The following LRRTM4 variants were observed in gnomAD, a reference collection of about 807,000 sequenced individuals.
LRRTM4 encodes the protein leucine-rich repeat transmembrane neuronal protein 4.
Under a neutral mutation model 47.6 loss-of-function variants are expected in LRRTM4, and 25 were observed. That is an observed-to-expected ratio of 0.53 (90% CI 0.38 to 0.73). LRRTM4 has a LOEUF of 0.73. LRRTM4 is among the 30% of genes least tolerant of loss of function. The probability of loss-of-function intolerance (pLI) is 0.00; values close to 1 mark genes in which losing one functional copy is unlikely to be tolerated. For synonymous variants in LRRTM4, 311 were observed against 269.5 expected, an observed-to-expected ratio of 1.15 and a Z score of -1.51; for missense variants, 638 against 713.4, an observed-to-expected ratio of 0.89 and a Z score of 1.20.
chr2:77,255,348 C>A (rs1675735915), intron 3 of LRRTM4, among the ~76,000 whole-genome samples: 1 of 151,924 alleles, frequency 6.6e-6, no homozygotes, highest in South Asian at 2.1e-4. Flanking sequence ...ATCTCTCAAG[C>A]AGTGATAAAC....
chr2:77,399,167 C>CTTTT (rs568671038), intron 3 of LRRTM4, among the ~76,000 whole-genome samples: 3 of 136,692 alleles, frequency 2.2e-5, no homozygotes, highest in African/African-American at 8.0e-5. Flanking sequence ...AACAGCAGGG[C>CTTTT]TTTTTTTTTT....
intron 3 of LRRTM4, among the ~76,000 whole-genome samples, chr2:76,980,142 C>T (rs1433234114): frequency 1.3e-5 from 2 of 151,966 alleles, no homozygotes. Flanking sequence ...TTCTTCTGTG[C>T]AGATGGAGGA....
chr2:76,933,153 T>A (rs918494581), intron 3 of LRRTM4, among the ~76,000 whole-genome samples: 1 of 152,116 alleles, frequency 6.6e-6, no homozygotes, highest in African/African-American at 2.4e-5. Context: ...TAGCACATTT[T>A]AAAAAATATG....
At chr2:77,420,642 T>A (rs534342458) in intron 3 of LRRTM4, among the ~76,000 whole-genome samples, 1 of 150,134 alleles carries the variant, frequency 6.7e-6, no homozygotes, top group Admixed American at 6.6e-5. Context: ...ATATATATAT[T>A]TCTGCCCAGG....
intron 3 of LRRTM4, among the ~76,000 whole-genome samples, chr2:77,163,317 T>C: frequency 6.6e-6 from 1 of 152,062 alleles, no homozygotes; most frequent in East Asian, 1.9e-4. Flanking sequence ...CCAAGAAATA[T>C]GGGACTATGT....
At chr2:76,998,783 T>TTC (rs1475364250) in intron 3 of LRRTM4, among the ~76,000 whole-genome samples, 16 of 151,562 alleles carry the variant, frequency 1.1e-4, no homozygotes, top group African/African-American at 3.4e-4. Flanking sequence ...TTTTTTTTTT[T>TTC]CCTTAACATC....
At chr2:77,397,761 A>T (rs1365512739) in intron 3 of LRRTM4, among the ~76,000 whole-genome samples, 2 of 151,892 alleles carry the variant, frequency 1.3e-5, no homozygotes, top group African/African-American at 4.8e-5. Flanking sequence ...TCCTCTTATC[A>T]GTAAATTTAA....
At chr2:76,798,087 G>T (rs1675449009) in intron 3 of LRRTM4, among the ~76,000 whole-genome samples, 1 of 151,304 alleles carries the variant, frequency 6.6e-6, no homozygotes, top group South Asian at 2.1e-4. Context: ...ACTCAGCTCT[G>T]CAGCAAGCAG....
intron 3 of LRRTM4, among the ~76,000 whole-genome samples, chr2:77,049,914 G>A (rs548907097): frequency 2.2e-4 from 34 of 151,890 alleles, no homozygotes; most frequent in African/African-American, 7.5e-4. Context: ...ATTTTGCTTC[G>A]TAAAATTCTG....
intron 3 of LRRTM4, among the ~76,000 whole-genome samples, chr2:77,423,834 T>G (rs1487137661): frequency 6.6e-6 from 1 of 152,100 alleles, no homozygotes; most frequent in East Asian, 1.9e-4. Context: ...GGACCCCGAG[T>G]GAGCCAATTC....
chr2:76,877,919 A>G (rs997715305), intron 3 of LRRTM4, among the ~76,000 whole-genome samples: 5 of 152,134 alleles, frequency 3.3e-5, no homozygotes, highest in African/African-American at 7.2e-5. Flanking sequence ...GAAGAAGGAA[A>G]AAAGGTCACA....
At chr2:77,493,420 G>A (rs1248864560) in intron 3 of LRRTM4, among the ~76,000 whole-genome samples, 1 of 151,986 alleles carries the variant, frequency 6.6e-6, no homozygotes, top group Non-Finnish European at 1.5e-5. Context: ...CCAGAAAGCA[G>A]ACTAGACATC....
At chr2:76,986,731 T>C (rs1676812045) in intron 3 of LRRTM4, among the ~76,000 whole-genome samples, 1 of 151,934 alleles carries the variant, frequency 6.6e-6, no homozygotes, top group African/African-American at 2.4e-5. Flanking sequence ...GAGGTAGATC[T>C]CTAATGATAT....
intron 3 of LRRTM4, among the ~76,000 whole-genome samples, chr2:77,324,425 T>A (rs1237252769): frequency 6.6e-6 from 1 of 152,076 alleles, no homozygotes; most frequent in Non-Finnish European, 1.5e-5. Flanking sequence ...TGAGAGCATA[T>A]AAATGGAGGC....
chr2:77,457,994 A>C (rs1293954190), intron 3 of LRRTM4, among the ~76,000 whole-genome samples: 1 of 152,168 alleles, frequency 6.6e-6, no homozygotes, highest in Non-Finnish European at 1.5e-5. Flanking sequence ...GGGACCCCAA[A>C]TTGGATGGCA....
Position 76,842,786 on chromosome 2 carries a change from T to G in LRRTM4, c.1552-93870A>C, listed in dbSNP as rs575860200. Among the ~76,000 whole-genome samples the G allele has an allele frequency of 1.4e-4, 22 of 152,304 alleles. 1 individual carries two copies. Among genetic ancestry groups the G allele is most frequent in the Admixed American group, 1.3e-3 (20 of 15,292 alleles). On this transcript the variant is annotated intron_variant, in intron 3 of 3. Coordinates refer to ENST00000409884, the MANE Select transcript of LRRTM4 (RefSeq NM_001134745.3). ...ACATGTGCAGAATGTGCAGGTTTGT[T>G]ACATAGGTATACATGTGCCATAGTG...
intron 3 of LRRTM4, among the ~76,000 whole-genome samples, chr2:77,309,038 G>C (rs1677372029): frequency 6.6e-6 from 1 of 152,034 alleles, no homozygotes. Context: ...TAAATAAAAG[G>C]AAGGCTGTCT....
chr2:76,964,554 T>C (rs1675962320), intron 3 of LRRTM4, among the ~76,000 whole-genome samples: 1 of 150,930 alleles, frequency 6.6e-6, no homozygotes, highest in South Asian at 2.1e-4. Context: ...CTCCCTGTCA[T>C]ATATTCAAAT....
At chr2:76,992,587 A>G (rs1467165846) in intron 3 of LRRTM4, among the ~76,000 whole-genome samples, 1 of 151,724 alleles carries the variant, frequency 6.6e-6, no homozygotes. Context: ...AGATCTGCAC[A>G]AAGAGAACTA....
Sources: gnomAD v4.1 joint callset for allele counts (sites outside exome capture counted in the v4.1 genomes callset) on GRCh38, gnomAD v4.1.1 for gene constraint, MANE v1.5 for transcripts, NCBI Gene and HGNC (gene_info 2026-07-23, HGNC 2026-07-21) for gene names.